HMGN4: variants seen among roughly 807,000 people sequenced by gnomAD.
HMGN4 encodes high mobility group nucleosomal binding domain 4.
For missense variants in HMGN4, 69 were observed against 104.9 expected, an observed-to-expected ratio of 0.66 and a Z score of 1.49; for synonymous variants, 39 against 39.1, an observed-to-expected ratio of 1.00 and a Z score of 0.01.
intron 1 of HMGN4, among the ~76,000 whole-genome samples, chr6:26,539,712 T>TA (rs1298126636): frequency 6.6e-6 from 1 of 151,918 alleles, no homozygotes; most frequent in Admixed American, 6.6e-5. Flanking sequence ...ATCATTTTCT[T>TA]AAACAGGCTG....
At chr6:26,541,350 A>G (rs1156780296) in intron 1 of HMGN4, among the ~76,000 whole-genome samples, 1 of 152,186 alleles carries the variant, frequency 6.6e-6, no homozygotes, top group East Asian at 1.9e-4. Flanking sequence ...AAATTCTTAC[A>G]CTGTTCCCTC....
Position 26,545,965 on chromosome 6 carries a change from C to G in HMGN4, c.*486C>G, listed in dbSNP as rs1764345791. On this transcript the variant is annotated 3_prime_UTR_variant, in exon 2 of 2. Transcript: ENST00000377575. ...TCGAGATGGTGTCACTTAAAAGAGC[C>G]AAGATTCCTGTTTTCAGTTTGTGGA... The G allele has an allele frequency of 1.2e-5, 2 of 167,058 alleles. No individual in the cohort carries two copies. The highest frequency in any genetic ancestry group is 6.5e-5 in the Admixed American group (1 of 15,282). 10.3% of individuals were successfully genotyped at this position (167,058 alleles called of 1,614,324 possible).
intron 1 of HMGN4, among the ~76,000 whole-genome samples, chr6:26,538,979 C>G (rs1764253530): frequency 6.6e-6 from 1 of 152,266 alleles, no homozygotes; most frequent in Non-Finnish European, 1.5e-5. Context: ...TTTGCTATTC[C>G]ATCACAAAGA....
At position 26,542,883 on chromosome 6, in the gene HMGN4, C is replaced by T. The variant is rs975285469; in HGVS notation, c.-80-2244C>T. The stretch of plus-strand genomic sequence containing the variant: ...CGGATGGACTTCAATGGATCTAACT[C>T]GAAGAAGACTGAACCCAGGAAAAGA... On this transcript the variant is annotated intron_variant, in intron 1 of 1. Transcript: ENST00000377575. This position sits in a 1 kb window ranked among gnomAD's most constrained non-coding sequence, Gnocchi z 4.6. Among the ~76,000 whole-genome samples the T allele has an allele frequency of 6.6e-6, 1 of 152,090 alleles. No individual in the cohort carries two copies. Among genetic ancestry groups the T allele is most frequent in the Admixed American group, 6.5e-5 (1 of 15,270 alleles).
At chr6:26,545,106 G>T in intron 1 of HMGN4, 21 bp from the exon 2 acceptor site, 3 of 1,011,854 alleles carry the variant, frequency 3.0e-6, no homozygotes, top group South Asian at 2.5e-5. Context: ...TATGGTTTAC[G>T]CTTTTTGTGT....
Position 26,545,863 on chromosome 6 carries a change from G to A in HMGN4, c.*384G>A, listed in dbSNP as rs140377460. ...AGCATAGACTTGACTTCCTTAAACC[G>A]AGAGTTTTGATGTGGCCTTGGCAAC... is the stretch of plus-strand genomic sequence containing the variant. On this transcript the variant is annotated 3_prime_UTR_variant, in exon 2 of 2. Transcript: ENST00000377575. The A allele has an allele frequency of 1.7e-3, 289 of 168,230 alleles. No individual in the cohort carries two copies. Among genetic ancestry groups the A allele is most frequent in the Non-Finnish European group, 2.1e-3 (147 of 68,906 alleles). The allele number at this position is 168,230 out of a possible 1,614,324, so 10.4% of individuals were successfully genotyped here. A position where few individuals can be genotyped will look rare whatever the true frequency, so the allele number is the denominator to read the frequency against.
At chr6:26,539,948 A>C (rs1764269604) in intron 1 of HMGN4, 1 of 152,244 alleles carries the variant, frequency 6.6e-6, no homozygotes, top group Admixed American at 6.5e-5. Context: ...CAAAGGTTCC[A>C]GGGTCCTAGG....
chr6:26,544,772 A>G (rs1764328490), intron 1 of HMGN4, among the ~76,000 whole-genome samples: 1 of 152,212 alleles, frequency 6.6e-6, no homozygotes, highest in South Asian at 2.1e-4. Flanking sequence ...TTTGATAGAT[A>G]TGAAATGTTA....
chr6:26,539,169 G>A (rs1051871573), intron 1 of HMGN4, among the ~76,000 whole-genome samples: 2 of 152,198 alleles, frequency 1.3e-5, no homozygotes, highest in African/African-American at 4.8e-5. Context: ...TCCCTAAGAG[G>A]GATTTCTTTC....
chr6:26,543,149 CATT>C (rs1764306537), intron 1 of HMGN4, among the ~76,000 whole-genome samples: 3 of 152,270 alleles, frequency 2.0e-5, no homozygotes, highest in South Asian at 4.1e-4. Flanking sequence ...TAAAAGGGAA[CATT>C]ATGAATAATT....
chr6:26,545,273 A>C lies in HMGN4; in HGVS notation c.67A>C (p.Arg23=). Residue 23 remains arginine (R), a synonymous_variant, in exon 2 of 2, where the codon AGG becomes CGG. Transcript: ENST00000377575. The part of the protein sequence containing the change: ...DKAKVKDEPQ[R]RSARLSAKPA... The stretch of plus-strand genomic sequence containing the variant: ...AGCAAAGGTGAAGGATGAGCCACAG[A>C]GGAGATCAGCTCGGTTGTCTGCTAA... 1 of 1,614,160 alleles carries C rather than the reference A, an allele frequency of 6.2e-7. No homozygotes were observed. The highest frequency in any genetic ancestry group is 1.1e-5 in the South Asian group (1 of 91,088).
Position 26,546,255 on chromosome 6 carries a change from G to A in HMGN4, c.*776G>A, listed in dbSNP as rs769692276. ...AGCTGAATACAAATTGGTTTGGGGG[G>A]AGATCCTTTCCTACCCAAAGTCATA... On this transcript the variant is annotated 3_prime_UTR_variant, in exon 2 of 2. Transcript: ENST00000377575. 2 of 167,060 alleles carry A rather than the reference G, an allele frequency of 1.2e-5. No homozygotes were observed. Among genetic ancestry groups the A allele is most frequent in the Non-Finnish European group, 2.9e-5 (2 of 68,108 alleles). The allele number at this position is 167,060 out of a possible 1,614,324, so 10.3% of individuals were successfully genotyped here.
intron 1 of HMGN4, among the ~76,000 whole-genome samples, chr6:26,540,625 C>T (rs775973868): frequency 2.1e-4 from 32 of 152,308 alleles, no homozygotes; most frequent in Non-Finnish European, 3.7e-4. Context: ...TGAGCCACCA[C>T]GCCCAGCATT....
At position 26,546,349 on chromosome 6, in the gene HMGN4, G is replaced by A. The variant is rs193042267; in HGVS notation, c.*870G>A. ...TTCACATTTGTCTTTAGTCTGTCCT[G>A]AACTGATTTTTGTGAAAATTATGAG... On this transcript the variant is annotated 3_prime_UTR_variant, in exon 2 of 2. Transcript: ENST00000377575. 1 of 167,050 alleles carries A rather than the reference G, an allele frequency of 6.0e-6. No individual in the cohort carries two copies. The highest frequency in any genetic ancestry group is 2.4e-5 in the African/African-American group (1 of 41,532). 10.3% of individuals were successfully genotyped at this position (167,050 alleles called of 1,614,324 possible).
chr6:26,540,500 A>G (rs1344268782), intron 1 of HMGN4, among the ~76,000 whole-genome samples: 1 of 151,770 alleles, frequency 6.6e-6, no homozygotes, highest in African/African-American at 2.4e-5. Context: ...ACACCCAGCT[A>G]ATTTTTGTAT....
chr6:26,545,718 TCTTGATTCC>T lies in HMGN4; in HGVS notation c.*250_*258del, dbSNP rs990640292. The T allele has an allele frequency of 1.5e-5, 4 of 268,336 alleles. 1 individual carries two copies. The highest frequency in any genetic ancestry group is 2.2e-5 in the African/African-American group (1 of 44,952). The allele number at this position is 268,336 out of a possible 1,614,324, so 16.6% of individuals were successfully genotyped here. Reference sequence around the variant, plus strand: ...TTCTGTCCTGGTTTTTGAAGATTGTTCTTGATTCCCTTGATTCCCAGGAGAGATTCTCTG... The same window carrying T: ...TTCTGTCCTGGTTTTTGAAGATTGTTCTTGATTCCCAGGAGAGATTCTCTG... On this transcript the variant is annotated 3_prime_UTR_variant, in exon 2 of 2. Coordinates refer to ENST00000377575, the MANE Select transcript of HMGN4 (RefSeq NM_006353.3).
intron 1 of HMGN4, among the ~76,000 whole-genome samples, chr6:26,544,594 G>T (rs1042148660): frequency 2.0e-5 from 3 of 152,164 alleles, no homozygotes; most frequent in African/African-American, 7.2e-5. Context: ...ACACCTAGAA[G>T]TAAAATTGCT....
In HMGN4 at chr6:26,542,969, AAGG is replaced by A. The variant is rs1764304998; in HGVS notation, c.-80-2155_-80-2153del. ...GAGAAACAATTTTGGAGTGAGATGG[AAGG>A]AGAATGGTATGGAGTATCTATTCTT... On this transcript the variant is annotated intron_variant, in intron 1 of 1. Coordinates refer to ENST00000377575, the MANE Select transcript of HMGN4 (RefSeq NM_006353.3). The surrounding 1 kb of genome is among the most constrained non-coding windows in gnomAD (Gnocchi z 4.6). 6.6e-6 allele frequency among the ~76,000 whole-genome samples: 1 copy of A among 152,192 alleles called. No homozygotes were observed. Among genetic ancestry groups the A allele is most frequent in the South Asian group, 2.1e-4 (1 of 4,824 alleles).
At chr6:26,538,999 T>C (rs1764253957) in intron 1 of HMGN4, among the ~76,000 whole-genome samples, 1 of 152,140 alleles carries the variant, frequency 6.6e-6, no homozygotes, top group South Asian at 2.1e-4. Context: ...AAAAAATGGA[T>C]CCCAAAGTTA....
Sources: gnomAD v4.1 joint callset for allele counts (sites outside exome capture counted in the v4.1 genomes callset) on GRCh38, gnomAD v4.1.1 for gene constraint, Gnocchi (gnomAD v3.1) non-coding constraint, MANE v1.5 for transcripts, NCBI Gene and HGNC (gene_info 2026-07-23, HGNC 2026-07-21) for gene names.